RFX8: variants seen among roughly 807,000 people sequenced by gnomAD.
The protein encoded by RFX8 is DNA-binding protein RFX8.
RFX8 carries 46 observed loss-of-function variants against 54.6 expected under a neutral mutation model. That is an observed-to-expected ratio of 0.84 (90% CI 0.67 to 1.08). The LOEUF (loss-of-function observed/expected upper bound fraction) is 1.08, where lower values mean the gene tolerates loss of function less well. Ranked by LOEUF, RFX8 falls within the 50% of genes least tolerant of loss-of-function variation. The pLI, the probability that RFX8 is intolerant of heterozygous loss-of-function variation, is 0.00. For missense variants in RFX8, 536 were observed against 562.3 expected (o/e 0.95, Z 0.47); for synonymous variants, 192 against 209.5 (o/e 0.92, Z 0.72).
intron 1 of RFX8, among the ~76,000 whole-genome samples, chr2:101,469,341 G>A (rs1689847933): frequency 6.6e-6 from 1 of 151,298 alleles, no homozygotes; most frequent in African/African-American, 2.4e-5. Flanking sequence ...TTTTTGTAGA[G>A]ACGGTCTCAC....
At chr2:101,421,585 A>C in intron 4 of RFX8, 139 bp downstream of exon 4, 1 of 1,426,448 alleles carries the variant, frequency 7.0e-7, no homozygotes, top group Non-Finnish European at 9.2e-7. Flanking sequence ...GGTACATAGC[A>C]TGTAAGCACT....
intron 2 of RFX8, among the ~76,000 whole-genome samples, chr2:101,430,483 C>G (rs1256197518): frequency 6.6e-6 from 1 of 152,212 alleles, no homozygotes; most frequent in African/African-American, 2.4e-5. Context: ...AGAACTTGCT[C>G]TCTTTCTCTC....
At chr2:101,405,303 C>T (rs889436026) in intron 10 of RFX8, among the ~76,000 whole-genome samples, 3 of 152,004 alleles carry the variant, frequency 2.0e-5, no homozygotes, top group East Asian at 1.9e-4. Context: ...TCCGCCACCG[C>T]GCCCGGCTAA....
rs114736895 is a variant in RFX8 at position 101,406,878 on chromosome 2, C to A, written c.814-821G>T. Among the ~76,000 whole-genome samples the A allele has an allele frequency of 9.8e-3, 1,490 of 152,270 alleles. 21 individuals carry two copies. Among genetic ancestry groups the A allele is most frequent in the African/African-American group, 0.031 (1,298 of 41,536 alleles). On this transcript the variant is annotated intron_variant, in intron 9 of 11. Transcript: ENST00000428343. ...TCATGCTTGCTGTGTAACCAAGCTC[C>A]AAACTGCAAAGTCCCAGCCCCTAAA...
chr2:101,465,108 A>G (rs1689500241), intron 2 of RFX8, among the ~76,000 whole-genome samples: 1 of 152,198 alleles, frequency 6.6e-6, no homozygotes, highest in Non-Finnish European at 1.5e-5. Flanking sequence ...ACCTAGCAAG[A>G]TGACTTGATA....
intron 2 of RFX8, chr2:101,429,161 G>A (rs905855482): frequency 1.1e-5 from 6 of 571,186 alleles, no homozygotes; most frequent in Admixed American, 8.7e-5. Context: ...TTCTATCCAC[G>A]AATGGTAATT....
Position 101,422,438 on chromosome 2 carries a change from A to G in RFX8, c.107T>C (p.Val36Ala). The G allele has an allele frequency of 6.5e-7, 1 of 1,550,122 alleles. No individual in the cohort carries two copies. Residue 36 changes from valine (V) to alanine (A), a missense_variant, in exon 3 of 12, where the codon GTT (valine) becomes GCT (alanine). By Grantham distance (64) the Val-to-Ala change is moderately conservative. Transcript: ENST00000428343. ...CCTGAATTCAGACAAAGGGGATCCA[A>G]CTGGGTCTGTCTTCATCGGTGAATG... ...EDHSPMKTDP[V>A]GSPLSEFRRC...
At chr2:101,425,382 AGATG>A (rs1687113131) in intron 2 of RFX8, among the ~76,000 whole-genome samples, 1 of 152,200 alleles carries the variant, frequency 6.6e-6, no homozygotes, top group South Asian at 2.1e-4. Flanking sequence ...CAAGAACTCT[AGATG>A]TATAACCAGC....
intron 11 of RFX8, 96 bp from the exon 12 acceptor site, chr2:101,397,820 T>C (rs1685212150): frequency 1.9e-6 from 2 of 1,036,138 alleles, no homozygotes; most frequent in Non-Finnish European, 2.7e-6. Flanking sequence ...ACCAAGCCCG[T>C]GCTCCCACCC....
intron 10 of RFX8, 117 bp from the exon 11 acceptor site, chr2:101,402,869 T>G (rs1457280281): frequency 5.4e-6 from 5 of 920,150 alleles, no homozygotes; most frequent in Non-Finnish European, 8.0e-6. Flanking sequence ...CTCGTTCCAA[T>G]AGCTTACCCA....
intron 10 of RFX8, among the ~76,000 whole-genome samples, chr2:101,403,388 C>T (rs1247169242): frequency 6.6e-6 from 1 of 152,192 alleles, no homozygotes; most frequent in African/African-American, 2.4e-5. Context: ...GGAAAACAAT[C>T]ATTAATGTTT....
intron 2 of RFX8, among the ~76,000 whole-genome samples, chr2:101,426,696 C>T (rs1362948141): frequency 1.3e-5 from 2 of 152,150 alleles, no homozygotes; most frequent in Non-Finnish European, 2.9e-5. Flanking sequence ...CATTCATCTA[C>T]TCATTCTTTA....
intron 11 of RFX8, among the ~76,000 whole-genome samples, chr2:101,401,300 G>T (rs1685430745): frequency 6.6e-6 from 1 of 152,142 alleles, no homozygotes; most frequent in Non-Finnish European, 1.5e-5. Flanking sequence ...GTCTAGGGAG[G>T]TGTCTTGTCC....
At chr2:101,433,340 G>C (rs933198006) in intron 2 of RFX8, among the ~76,000 whole-genome samples, 57 of 152,106 alleles carry the variant, frequency 3.7e-4, no homozygotes, top group African/African-American at 1.4e-3. Context: ...GGACAATGGA[G>C]GAGGGCCTGG....
At chr2:101,437,869 CCACCACCACA>C (rs141144153) in intron 2 of RFX8, among the ~76,000 whole-genome samples, 114,844 of 151,796 alleles carry the variant, frequency 0.76, 44,400 homozygotes, top group Middle Eastern at 0.88. Flanking sequence ...GTTCATGTAT[CCACCACCACA>C]AACAACCACA....
In RFX8 at chr2:101,402,702, G is replaced by A; in HGVS notation, c.979C>T (p.Leu327Phe). 1.3e-6 allele frequency: 2 copies of A among 1,553,508 alleles called. No homozygotes were observed. Among genetic ancestry groups the A allele is most frequent in the Non-Finnish European group, 1.7e-6 (2 of 1,147,708 alleles). ...LLLLEYMIHILQSCLEEEEEE... is the reference protein window; with the variant it reads ...LLLLEYMIHIFQSCLEEEEEE... ...TCTTCCTCCTCTAGGCATGACTGAAGTATATGAATCATATATTCCAAAAGC... is the reference window on the plus strand; with the variant it reads ...TCTTCCTCCTCTAGGCATGACTGAAATATATGAATCATATATTCCAAAAGC... Residue 327 changes from leucine to phenylalanine, a missense_variant, in exon 11 of 12, where the codon CTT becomes TTT. Physicochemically the swap from Leu to Phe is conservative, Grantham distance 22. Transcript: ENST00000428343.
At chr2:101,473,402 A>G (rs1690119567) in intron 1 of RFX8, among the ~76,000 whole-genome samples, 3 of 152,018 alleles carry the variant, frequency 2.0e-5, no homozygotes, top group Non-Finnish European at 4.4e-5. Flanking sequence ...GTATTTATTC[A>G]TTTGATTTTT....
chr2:101,460,577 T>C (rs1689213060), intron 2 of RFX8, among the ~76,000 whole-genome samples: 1 of 151,972 alleles, frequency 6.6e-6, no homozygotes, highest in South Asian at 2.1e-4. Context: ...ATGACATGCA[T>C]GTTGAGAGTG....
Position 101,417,630 on chromosome 2 carries a change from G to A in RFX8, c.406C>T (p.Leu136=). The part of the protein sequence containing the change: ...DFLEDVSIQY[L]KSVQLFSKKF... ...TTACTAAATAACTGCACAGATTTCA[G>A]GTACTGAATAGAAACATCTTCCAAG... Residue 136 remains leucine, a synonymous_variant, in exon 6 of 12, where the codon CTG becomes TTG. Coordinates refer to ENST00000428343, the MANE Select transcript of RFX8 (RefSeq NM_001145664.2). The A allele has an allele frequency of 6.4e-7, 1 of 1,550,968 alleles. No homozygotes were observed. The highest frequency in any genetic ancestry group is 8.7e-7 in the Non-Finnish European group (1 of 1,146,508).
Sources: allele counts gnomAD v4.1 joint callset (sites outside exome capture counted in the v4.1 genomes callset), GRCh38; gene constraint gnomAD v4.1.1; transcripts MANE v1.5; gene names NCBI Gene and HGNC (gene_info 2026-07-23, HGNC 2026-07-21).